Variants in LMOD2 observed in about 807,000 individuals in gnomAD.
LMOD2 encodes leiomodin-2.
A neutral mutation model predicts 41.7 loss-of-function variants in LMOD2; 27 were observed. That is an observed-to-expected ratio of 0.65 (90% CI 0.48 to 0.89). The LOEUF is 0.89. Ranked by LOEUF, LMOD2 falls within the 40% of genes least tolerant of loss-of-function variation. LMOD2 has a pLI of 0.00. For synonymous variants in LMOD2, 251 were observed against 244.6 expected (o/e 1.03, Z -0.25); for missense variants, 624 against 667.9 (o/e 0.93, Z 0.72).
At chr7:123,660,588 CAA>C (rs35874287) in intron 1 of LMOD2, among the ~76,000 whole-genome samples, 33 of 145,330 alleles carry the variant, frequency 2.3e-4, no homozygotes, top group Admixed American at 2.7e-4. Context: ...CCCTCGAGGT[CAA>C]AAAAAAAAAA....
intron 1 of LMOD2, among the ~76,000 whole-genome samples, chr7:123,659,436 T>C (rs999437024): frequency 6.6e-6 from 1 of 152,204 alleles, no homozygotes; most frequent in South Asian, 2.1e-4. Flanking sequence ...TTTCTCCAGA[T>C]GTCCCCCACC....
intron 1 of LMOD2, among the ~76,000 whole-genome samples, chr7:123,659,240 C>A (rs2116734264): frequency 6.6e-6 from 1 of 152,342 alleles, no homozygotes; most frequent in Middle Eastern, 3.4e-3. Context: ...TCTCCCACCT[C>A]CTTATTCTAT....
At chr7:123,656,467 A>G (rs1227955413) in intron 1 of LMOD2, among the ~76,000 whole-genome samples, 6 of 152,242 alleles carry the variant, frequency 3.9e-5, no homozygotes. Flanking sequence ...ATTGATTACA[A>G]ATAGAAAGCT....
intron 1 of LMOD2, among the ~76,000 whole-genome samples, chr7:123,660,321 T>TCACA (rs535370548): frequency 1.4e-5 from 2 of 139,994 alleles, no homozygotes; most frequent in African/African-American, 5.5e-5. Flanking sequence ...TCTCTCTCTC[T>TCACA]CTCACACACA....
chr7:123,659,846 A>G (rs532725545), intron 1 of LMOD2, among the ~76,000 whole-genome samples: 25 of 152,302 alleles, frequency 1.6e-4, no homozygotes, highest in African/African-American at 5.8e-4. Context: ...TTTAGATGCT[A>G]TATGACAATT....
In LMOD2 at chr7:123,662,566, C is replaced by T. The variant is rs535251089; in HGVS notation, c.980C>T (p.Thr327Met). ...EIVKLLKENT[T>M]LLRLGYHFEL... ...GTCAAGCTGCTGAAGGAGAACACGACGCTGCTGAGGCTGGGATACCATTTT... is the reference window on the plus strand; with the variant it reads ...GTCAAGCTGCTGAAGGAGAACACGATGCTGCTGAGGCTGGGATACCATTTT... Residue 327 changes from threonine (T) to methionine (M), a missense_variant, in exon 2 of 3, where the codon ACG becomes ATG. Transcript: ENST00000458573. This position sits in a 1 kb window ranked among gnomAD's most constrained non-coding sequence, Gnocchi z 4.0. 129 of 1,613,926 alleles carry T rather than the reference C, an allele frequency of 8.0e-5. 1 individual carries two copies. Among genetic ancestry groups the T allele is most frequent in the South Asian group, 5.7e-4 (52 of 91,076 alleles).
intron 2 of LMOD2, 66 bp downstream of exon 2, chr7:123,663,269 T>C: frequency 2.0e-6 from 3 of 1,490,532 alleles, no homozygotes; most frequent in Non-Finnish European, 2.7e-6. Flanking sequence ...CATTGCATGG[T>C]GGTACCAAAG....
chr7:123,663,248 G>C (rs1802920613), intron 2 of LMOD2, 45 bp downstream of exon 2: 1 of 1,529,146 alleles, frequency 6.5e-7, no homozygotes, highest in South Asian at 1.2e-5. Context: ...TAAAGTAAAT[G>C]AGTTGTCCTC....
chr7:123,660,763 GAA>G lies in LMOD2; in HGVS notation c.274-1093_274-1092del, dbSNP rs150902803. Among the ~76,000 whole-genome samples, 832 of 151,358 alleles carry G rather than the reference GAA, an allele frequency of 5.5e-3. 9 individuals carry two copies. The highest frequency in any genetic ancestry group is 0.019 in the African/African-American group (800 of 41,234). The stretch of plus-strand genomic sequence containing the variant: ...TTTTTTTAATCAGAAAAGATAGCAA[GAA>G]AAAGAGAAACAAGGGGTCACTTGAG... On this transcript the variant is annotated intron_variant, in intron 1 of 2. Transcript: ENST00000458573.
chr7:123,662,584 A>G lies in LMOD2; in HGVS notation c.998A>G (p.Tyr333Cys), dbSNP rs1802897680. Residue 333 changes from tyrosine to cysteine, a missense_variant, in exon 2 of 3, where the codon TAC becomes TGC. Coordinates refer to ENST00000458573, the MANE Select transcript of LMOD2 (RefSeq NM_207163.3). This position sits in a 1 kb window ranked among gnomAD's most constrained non-coding sequence, Gnocchi z 4.0. ...KENTTLLRLGYHFELPGPRMS... is the reference protein window; with the variant it reads ...KENTTLLRLGCHFELPGPRMS... ...AACACGACGCTGCTGAGGCTGGGAT[A>G]CCATTTTGAACTCCCAGGACCAAGA... 1.2e-6 allele frequency: 2 copies of G among 1,613,960 alleles called. No individual in the cohort carries two copies. Among genetic ancestry groups the G allele is most frequent in the Non-Finnish European group, 1.7e-6 (2 of 1,179,876 alleles).
intron 1 of LMOD2, among the ~76,000 whole-genome samples, chr7:123,660,383 T>C (rs1267679523): frequency 2.0e-5 from 3 of 150,564 alleles, no homozygotes; most frequent in African/African-American, 7.3e-5. Flanking sequence ...TCCCTGCTCC[T>C]GAAGAAGTGA....
Position 123,663,222 on chromosome 7 carries a change from G to C in LMOD2, c.1617+19G>C. On this transcript the variant is annotated intron_variant, in intron 2 of 2. Coordinates refer to ENST00000458573, the MANE Select transcript of LMOD2 (RefSeq NM_207163.3). Reference sequence around the variant, plus strand: ...AAAGCGGGTAAGTAACCAGAGAACAGACATAGGGGCACAGATAAAGTAAAT... The same window carrying C: ...AAAGCGGGTAAGTAACCAGAGAACACACATAGGGGCACAGATAAAGTAAAT... The C allele has an allele frequency of 6.4e-7, 1 of 1,553,298 alleles. No homozygotes were observed. Among genetic ancestry groups the C allele is most frequent in the Non-Finnish European group, 8.7e-7 (1 of 1,149,002 alleles).
chr7:123,661,804 G>A (rs1802877494), intron 1 of LMOD2, 56 bp from the exon 2 acceptor site: 2 of 1,187,926 alleles, frequency 1.7e-6, no homozygotes, highest in Non-Finnish European at 2.3e-6. Flanking sequence ...GTTAAAAAAT[G>A]TACTTAAAAA....
At chr7:123,656,650 C>T (rs921416990) in intron 1 of LMOD2, among the ~76,000 whole-genome samples, 1 of 151,962 alleles carries the variant, frequency 6.6e-6, no homozygotes, top group African/African-American at 2.4e-5. Context: ...CCTATAAAGA[C>T]AAAAGTGGGA....
chr7:123,662,149 C>T lies in LMOD2; in HGVS notation c.563C>T (p.Ala188Val). The change falls in exon 2 of 3, where the codon GCT becomes GTT. Residue 188 changes from alanine to valine, a missense_variant. Ala to Val is a moderately conservative substitution (Grantham distance 64). Coordinates refer to ENST00000458573, the MANE Select transcript of LMOD2 (RefSeq NM_207163.3). This position sits in a 1 kb window ranked among gnomAD's most constrained non-coding sequence, Gnocchi z 4.0. The stretch of plus-strand genomic sequence containing the variant: ...AATGGGAGGAACACAGAGTCCCCAG[C>T]TGCCATTCACCCTTGTGGAAATCCT... ...GSNGRNTESP[A>V]AIHPCGNPTV... is the part of the protein sequence containing the mutation. 3 of 1,613,652 alleles carry T rather than the reference C, an allele frequency of 1.9e-6. No homozygotes were observed. Among genetic ancestry groups the T allele is most frequent in the Non-Finnish European group, 2.5e-6 (3 of 1,179,746 alleles).
At position 123,662,945 on chromosome 7, in the gene LMOD2, G is replaced by T. The variant is rs764774345; in HGVS notation, c.1359G>T (p.Lys453Asn). The change falls in exon 2 of 3, where the codon AAG (lysine) becomes AAT (asparagine). Residue 453 changes from lysine (K) to asparagine (N), a missense_variant. Coordinates refer to ENST00000458573, the MANE Select transcript of LMOD2 (RefSeq NM_207163.3). This position sits in a 1 kb window ranked among gnomAD's most constrained non-coding sequence, Gnocchi z 4.0. ...CCCCTCCTCCACTCCCAGAGAAAAAGCTCATTACCAGAAACATTGCAGAAG... is the reference window on the plus strand; with the variant it reads ...CCCCTCCTCCACTCCCAGAGAAAAATCTCATTACCAGAAACATTGCAGAAG... ...PPPPPPLPEK[K>N]LITRNIAEVI... 1 of 1,546,562 alleles carries T rather than the reference G, an allele frequency of 6.5e-7. No individual in the cohort carries two copies. The highest frequency in any genetic ancestry group is 1.2e-5 in the South Asian group (1 of 83,962).
chr7:123,661,343 A>G (rs1035632924), intron 1 of LMOD2, among the ~76,000 whole-genome samples: 1 of 152,226 alleles, frequency 6.6e-6, no homozygotes, highest in Non-Finnish European at 1.5e-5. Flanking sequence ...CACATCTGCT[A>G]TGGATGGAAA....
chr7:123,663,413 C>A, intron 2 of LMOD2: 2 of 660,144 alleles, frequency 3.0e-6, no homozygotes, highest in Non-Finnish European at 5.0e-6. Context: ...GCCGCTTTCC[C>A]AGCCTCTCAA....
chr7:123,662,923 C>A lies in LMOD2; in HGVS notation c.1337C>A (p.Pro446His). The A allele has an allele frequency of 6.4e-7, 1 of 1,555,454 alleles. No individual in the cohort carries two copies. The highest frequency in any genetic ancestry group is 8.7e-7 in the Non-Finnish European group (1 of 1,149,784). The stretch of plus-strand genomic sequence containing the variant: ...CTGCCACCACCTCCTCCTCCTCCCC[C>A]TCCTCCACTCCCAGAGAAAAAGCTC... Reference protein sequence around the residue: ...QRLPPPPPPPPPPLPEKKLIT... With the variant: ...QRLPPPPPPPHPPLPEKKLIT... Residue 446 changes from proline (P) to histidine (H), a missense_variant, in exon 2 of 3, where the codon CCT becomes CAT. Transcript: ENST00000458573. The surrounding 1 kb of genome is among the most constrained non-coding windows in gnomAD (Gnocchi z 4.0).
Sources: allele counts gnomAD v4.1 joint callset (sites outside exome capture counted in the v4.1 genomes callset), GRCh38; gene constraint gnomAD v4.1.1; non-coding constraint Gnocchi (gnomAD v3.1); transcripts MANE v1.5; gene names NCBI Gene and HGNC (gene_info 2026-07-23, HGNC 2026-07-21).